ELP1: variants seen among roughly 807,000 people sequenced by gnomAD.
ELP1 encodes elongator acetyltransferase complex subunit 1.
In ELP1, 131 loss-of-function variants were observed where a neutral mutation model predicts 183.2. The observed-to-expected ratio is 0.72, with a 90% CI of 0.62 to 0.83. ELP1 has a LOEUF of 0.83. ELP1 is among the 40% of genes least tolerant of loss of function. The pLI is 0.00. For synonymous variants in ELP1, 555 were observed against 569.0 expected (o/e 0.98, Z 0.35); for missense variants, 1,550 against 1,594.9 (o/e 0.97, Z 0.48).
chr9:108,889,759 T>C (rs1828253114), intron 28 of ELP1: 2 of 326,332 alleles, frequency 6.1e-6, no homozygotes, highest in Non-Finnish European at 1.2e-5. Flanking sequence ...TGTCTTTAGA[T>C]CCTAGAATCA....
At chr9:108,884,140 T>C (rs551260774) in intron 29 of ELP1, among the ~76,000 whole-genome samples, 3 of 152,336 alleles carry the variant, frequency 2.0e-5, no homozygotes, top group South Asian at 4.1e-4. Flanking sequence ...GGAAGAATTA[T>C]ATTAATAACA....
chr9:108,895,978 C>T (rs1253616773), intron 25 of ELP1, among the ~76,000 whole-genome samples: 1 of 152,170 alleles, frequency 6.6e-6, no homozygotes, highest in Non-Finnish European at 1.5e-5. Flanking sequence ...TAATTTTAGG[C>T]CGCACATGGT....
At chr9:108,888,242 G>A (rs548939345) in intron 29 of ELP1, among the ~76,000 whole-genome samples, 1 of 152,364 alleles carries the variant, frequency 6.6e-6, no homozygotes, top group East Asian at 1.9e-4. Flanking sequence ...AAGGCTGGCA[G>A]TGGAGGGAGA....
chr9:108,902,148 T>C (rs1373453517), intron 16 of ELP1, among the ~76,000 whole-genome samples: 2 of 152,216 alleles, frequency 1.3e-5, no homozygotes, highest in African/African-American at 4.8e-5. Context: ...ATCCAGTCCC[T>C]TGAATAAGAT....
At position 108,871,798 on chromosome 9, in the gene ELP1, C is replaced by T. The variant is rs541701733; in HGVS notation, c.3932-2616G>A. Among the ~76,000 whole-genome samples the T allele has an allele frequency of 2.0e-5, 3 of 152,360 alleles. No homozygotes were observed. The South Asian group carries it at 6.2e-4, about 32-fold the overall frequency. On this transcript the variant is annotated intron_variant, in intron 36 of 36. Coordinates refer to ENST00000374647, the MANE Select transcript of ELP1 (RefSeq NM_003640.5). ...AATAGTTGTATAGGTATGCCTTTCT[C>T]ATAGCAATCCTGCACCCACATAAAA... is the stretch of plus-strand genomic sequence containing the variant.
intron 35 of ELP1, among the ~76,000 whole-genome samples, chr9:108,876,548 G>A (rs1827711998): frequency 6.6e-6 from 1 of 152,126 alleles, no homozygotes; most frequent in Non-Finnish European, 1.5e-5. Context: ...GAGCTGATTT[G>A]TAATCTCTCA....
At chr9:108,912,767 T>C (rs79723995) in intron 10 of ELP1, among the ~76,000 whole-genome samples, 1 of 151,020 alleles carries the variant, frequency 6.6e-6, no homozygotes, top group East Asian at 1.9e-4. Context: ...TTTTTTTTTT[T>C]TTATTGACAC....
chr9:108,919,223 T>C (rs1374410211), intron 7 of ELP1, 30 bp downstream of exon 7: 1 of 1,497,694 alleles, frequency 6.7e-7, no homozygotes, highest in Non-Finnish European at 9.3e-7. Flanking sequence ...AAATTTTTTA[T>C]TGTTGTTTAA....
At chr9:108,870,293 C>G (rs1292662404) in intron 36 of ELP1, among the ~76,000 whole-genome samples, 1 of 152,122 alleles carries the variant, frequency 6.6e-6, no homozygotes, top group Non-Finnish European at 1.5e-5. Context: ...CTCCAAAACT[C>G]AAGTACCAAT....
At chr9:108,884,343 G>A (rs551263277) in intron 29 of ELP1, among the ~76,000 whole-genome samples, 1 of 152,244 alleles carries the variant, frequency 6.6e-6, no homozygotes, top group Admixed American at 6.5e-5. Context: ...CATTGATAGA[G>A]CAAGTAGTGA....
Position 108,914,413 on chromosome 9 carries a change from A to AGG in ELP1, c.958+1789_958+1790dup, listed in dbSNP as rs762220846. Reference sequence around the variant, plus strand: ...ACTCCGTCTCCAAAAAAAAAAAAAAAGGGGGGGGGGGTTCTACTGATTAAA... The same window carrying AGG: ...ACTCCGTCTCCAAAAAAAAAAAAAAAGGGGGGGGGGGGGTTCTACTGATTAAA... On this transcript the variant is annotated intron_variant, in intron 10 of 36. Coordinates refer to ENST00000374647, the MANE Select transcript of ELP1 (RefSeq NM_003640.5). 7.3e-3 allele frequency among the ~76,000 whole-genome samples: 650 copies of AGG among 88,990 alleles called. 3 individuals carry two copies. The highest frequency in any genetic ancestry group is 0.024 in the African/African-American group (508 of 21,208). 58.4% of individuals were successfully genotyped at this position (88,990 alleles called of 152,430 possible). A position where few individuals can be genotyped will look rare whatever the true frequency, so the allele number is the denominator to read the frequency against.
At chr9:108,916,438 G>A (rs1442400878) in intron 9 of ELP1, 141 bp from the exon 10 acceptor site, 1 of 717,456 alleles carries the variant, frequency 1.4e-6, no homozygotes, top group African/African-American at 1.8e-5. Context: ...AACCTACAGA[G>A]GCATTAAACA....
intron 25 of ELP1, among the ~76,000 whole-genome samples, chr9:108,894,309 C>T (rs187979303): frequency 8.5e-5 from 13 of 152,262 alleles, no homozygotes; most frequent in African/African-American, 3.1e-4. Context: ...TACATTTGAC[C>T]CCATGGAGCC....
rs572823466 is a variant in ELP1 at position 108,920,548 on chromosome 9, C to T, written c.553-1199G>A. Among the ~76,000 whole-genome samples, 19 of 152,274 alleles carry T rather than the reference C, an allele frequency of 1.2e-4. No homozygotes were observed. In the South Asian group the frequency reaches 3.7e-3, roughly 30 times the overall value. On this transcript the variant is annotated intron_variant, in intron 6 of 36. Coordinates refer to ENST00000374647, the MANE Select transcript of ELP1 (RefSeq NM_003640.5). Reference sequence around the variant, plus strand: ...CTGCCCAACTTGGCCTCCCAAAGTGCTGGGATTGCAGGCATCAGCCACTGT... The same window carrying T: ...CTGCCCAACTTGGCCTCCCAAAGTGTTGGGATTGCAGGCATCAGCCACTGT...
intron 28 of ELP1, 24 bp from the exon 29 acceptor site, chr9:108,889,417 TGA>T: frequency 5.0e-6 from 8 of 1,610,334 alleles, no homozygotes; most frequent in Non-Finnish European, 6.8e-6. Context: ...AAGCAGCAGT[TGA>T]CTACAAAGTT....
chr9:108,891,504 G>C, intron 27 of ELP1, 100 bp from the exon 28 acceptor site: 1 of 1,070,624 alleles, frequency 9.3e-7, no homozygotes, highest in South Asian at 1.3e-5. Context: ...GAACTCCCTT[G>C]AAAGAATTAC....
chr9:108,910,448 A>G (rs838821), intron 12 of ELP1, among the ~76,000 whole-genome samples: 2,517 of 152,334 alleles, frequency 0.017, 44 homozygotes, highest in Middle Eastern at 0.054. Flanking sequence ...TAACCACAGA[A>G]CTCACAAGTA....
intron 12 of ELP1, among the ~76,000 whole-genome samples, chr9:108,909,798 C>T (rs1284701442): frequency 6.6e-6 from 1 of 152,126 alleles, no homozygotes; most frequent in African/African-American, 2.4e-5. Context: ...AAGTGGAGCT[C>T]TCAACCTGTC....
intron 6 of ELP1, among the ~76,000 whole-genome samples, chr9:108,920,946 A>G (rs1266768370): frequency 1.3e-5 from 2 of 152,174 alleles, no homozygotes; most frequent in African/African-American, 2.4e-5. Context: ...AGGTACCAGT[A>G]GTAAAGTGTC....
Sources: allele counts gnomAD v4.1 joint callset (sites outside exome capture counted in the v4.1 genomes callset), GRCh38; gene constraint gnomAD v4.1.1; transcripts MANE v1.5; gene names NCBI Gene and HGNC (gene_info 2026-07-23, HGNC 2026-07-21).